Variants in KDM4C observed in about 807,000 individuals in gnomAD.
KDM4C encodes lysine demethylase 4C.
Under a neutral mutation model 129.3 loss-of-function variants are expected in KDM4C, and 81 were observed. The ratio of observed to expected loss-of-function variants is 0.63; its 90% CI spans 0.52 to 0.75. The LOEUF (loss-of-function observed/expected upper bound fraction) is 0.75. KDM4C is among the 30% of genes least tolerant of loss of function. The pLI is 0.00. For missense variants in KDM4C, 1,457 were observed against 1,304.0 expected (o/e 1.12, Z -1.81); for synonymous variants, 573 against 456.1 (o/e 1.26, Z -3.26).
intron 5 of KDM4C, among the ~76,000 whole-genome samples, chr9:6,865,630 G>A (rs1039156258): frequency 6.6e-6 from 1 of 152,142 alleles, no homozygotes; most frequent in African/African-American, 2.4e-5. Flanking sequence ...TCAGTGGCGT[G>A]ATCTCAGCTC....
At chr9:7,135,110 T>C (rs540468175) in intron 19 of KDM4C, among the ~76,000 whole-genome samples, 1 of 152,340 alleles carries the variant, frequency 6.6e-6, no homozygotes, top group East Asian at 1.9e-4. Context: ...TGTGTGTGTC[T>C]CACTGACCCC....
intron 1 of KDM4C, among the ~76,000 whole-genome samples, chr9:6,778,716 G>A (rs1823639664): frequency 6.6e-6 from 1 of 151,940 alleles, no homozygotes; most frequent in Non-Finnish European, 1.5e-5. Flanking sequence ...GCAGTGAGCT[G>A]GGATCATGCC....
At chr9:6,974,254 C>CT (rs1344961583) in intron 8 of KDM4C, among the ~76,000 whole-genome samples, 1 of 152,222 alleles carries the variant, frequency 6.6e-6, no homozygotes, top group African/African-American at 2.4e-5. Flanking sequence ...GAAAGACTCT[C>CT]TAACAAGGAA....
chr9:7,009,636 T>G (rs1822321518), intron 12 of KDM4C, among the ~76,000 whole-genome samples: 1 of 152,236 alleles, frequency 6.6e-6, no homozygotes, highest in South Asian at 2.1e-4. Context: ...ACTACTTTCG[T>G]ATCACCGTTA....
chr9:7,034,147 T>C (rs1216191227), intron 15 of KDM4C, among the ~76,000 whole-genome samples: 1 of 152,176 alleles, frequency 6.6e-6, no homozygotes, highest in Non-Finnish European at 1.5e-5. Flanking sequence ...GTACATACAA[T>C]GTATAGTGAT....
intron 1 of KDM4C, chr9:6,721,274 T>TG: frequency 1.0e-5 from 1 of 97,888 alleles, no homozygotes; most frequent in East Asian, 1.8e-4. Context: ...AAATTAACTT[T>TG]TTTTTTTTTT....
intron 10 of KDM4C, among the ~76,000 whole-genome samples, chr9:6,984,883 A>G (rs1304233714): frequency 1.3e-5 from 2 of 152,218 alleles, no homozygotes; most frequent in African/African-American, 2.4e-5. Flanking sequence ...CTTTTGTACT[A>G]AAGCCATTGT....
At chr9:6,760,392 A>G (rs1445191459) in intron 1 of KDM4C, among the ~76,000 whole-genome samples, 1 of 151,290 alleles carries the variant, frequency 6.6e-6, no homozygotes, top group Admixed American at 6.6e-5. Context: ...GAGTAATGCT[A>G]TGAATATTTG....
rs754455953 is a variant in KDM4C at position 6,758,597 on chromosome 9, G to A, written c.-18+394G>A. Among the ~76,000 whole-genome samples, 1 of 152,150 alleles carries A rather than the reference G, an allele frequency of 6.6e-6. No individual in the cohort carries two copies. Among genetic ancestry groups the A allele is most frequent in the Admixed American group, 6.5e-5 (1 of 15,286 alleles). On this transcript the variant is annotated intron_variant, in intron 1 of 21. Transcript: ENST00000381309. The surrounding 1 kb of genome is among the most constrained non-coding windows in gnomAD (Gnocchi z 4.6). ...GAAGGCCGGGCCTGGTGCACCCCTC[G>A]GGGCCCTCCCTTCCCTGGGAGTGTC...
At chr9:7,116,367 G>C (rs1175988065) in intron 18 of KDM4C, among the ~76,000 whole-genome samples, 1 of 151,812 alleles carries the variant, frequency 6.6e-6, no homozygotes, top group Non-Finnish European at 1.5e-5. Context: ...TACATATTTG[G>C]AGAACAGAGC....
intron 12 of KDM4C, among the ~76,000 whole-genome samples, chr9:7,009,824 A>T (rs1563976235): frequency 6.6e-6 from 1 of 152,090 alleles, no homozygotes; most frequent in Non-Finnish European, 1.5e-5. Flanking sequence ...GAATTGTTTG[A>T]CTCTACTTAC....
intron 1 of KDM4C, among the ~76,000 whole-genome samples, chr9:6,770,815 G>T (rs1336596896): frequency 7.9e-6 from 1 of 126,132 alleles, no homozygotes; most frequent in East Asian, 2.3e-4. Context: ...TCGCTCTGTC[G>T]CTCAGGCTGG....
chr9:7,095,324 A>G (rs1316904642), intron 17 of KDM4C, among the ~76,000 whole-genome samples: 1 of 152,230 alleles, frequency 6.6e-6, no homozygotes, highest in Non-Finnish European at 1.5e-5. Context: ...ATGCTGTTGG[A>G]TATTTGTACT....
At chr9:7,081,066 T>C (rs1040912145) in intron 17 of KDM4C, among the ~76,000 whole-genome samples, 8 of 152,348 alleles carry the variant, frequency 5.3e-5, no homozygotes, top group Admixed American at 2.0e-4. Context: ...TTTTACAAAT[T>C]ACCCTCTTAA....
chr9:6,935,380 T>A (rs1824580552), intron 8 of KDM4C, among the ~76,000 whole-genome samples: 1 of 152,250 alleles, frequency 6.6e-6, no homozygotes, highest in African/African-American at 2.4e-5. Flanking sequence ...GTTCACATAT[T>A]TTTTAGCTAC....
At chr9:7,144,304 A>G (rs1842029965) in intron 19 of KDM4C, among the ~76,000 whole-genome samples, 1 of 151,892 alleles carries the variant, frequency 6.6e-6, no homozygotes, top group Non-Finnish European at 1.5e-5. Context: ...ATGAGCTGAT[A>G]TTTTCTGACA....
In KDM4C at chr9:7,019,621, G is replaced by A. The variant is rs184698462; in HGVS notation, c.2259+3692G>A. 2.7e-4 allele frequency among the ~76,000 whole-genome samples: 40 copies of A among 148,132 alleles called. 1 individual carries two copies. In the East Asian group the frequency reaches 7.6e-3, roughly 28 times the overall value. On this transcript the variant is annotated intron_variant, in intron 15 of 21. Coordinates refer to ENST00000381309, the MANE Select transcript of KDM4C (RefSeq NM_015061.6). ...AACGCCTCGTGTTCATTTTTTATGA[G>A]GTATATGAGAATTGTATGTGGTGGT...
chr9:7,143,534 C>T (rs1361818215), intron 19 of KDM4C, among the ~76,000 whole-genome samples: 24 of 152,306 alleles, frequency 1.6e-4, no homozygotes, highest in Non-Finnish European at 2.2e-4. Flanking sequence ...ATTTACCACC[C>T]TCCTTTTATG....
At chr9:6,856,591 T>G (rs1387789826) in intron 5 of KDM4C, among the ~76,000 whole-genome samples, 1 of 150,894 alleles carries the variant, frequency 6.6e-6, no homozygotes, top group African/African-American at 2.4e-5. Context: ...TATTTTTTTT[T>G]GAGACAGAGT....
Sources: allele counts gnomAD v4.1 joint callset (sites outside exome capture counted in the v4.1 genomes callset), GRCh38; gene constraint gnomAD v4.1.1; non-coding constraint Gnocchi (gnomAD v3.1); transcripts MANE v1.5; gene names NCBI Gene and HGNC (gene_info 2026-07-23, HGNC 2026-07-21).